Variants in PBRM1 observed in about 807,000 individuals in gnomAD.
PBRM1 encodes polybromo 1, also known as protein polybromo-1.
PBRM1 carries 27 observed loss-of-function variants against 194.5 expected under a neutral mutation model. The ratio of observed to expected loss-of-function variants is 0.14; its 90% CI spans 0.10 to 0.19. The LOEUF is 0.19. Among genes scored for constraint, PBRM1 ranks in the 10% least tolerant of loss-of-function variants. The pLI, the probability that PBRM1 is intolerant of heterozygous loss-of-function variation, is 1.00. For missense variants in PBRM1, 1,466 were observed against 2,077.2 expected (o/e 0.71, Z 5.72); for synonymous variants, 655 against 693.2 (o/e 0.94, Z 0.87).
downstream of PBRM1, chr3:52,546,064 T>C (rs542109728): frequency 6.9e-5 from 16 of 233,172 alleles, no homozygotes; most frequent in South Asian, 2.2e-3. Flanking sequence ...CTATAGCACC[T>C]CTAGGCACTG....
At chr3:52,648,815 A>C (rs1301860746) in intron 6 of PBRM1, among the ~76,000 whole-genome samples, 2 of 152,222 alleles carry the variant, frequency 1.3e-5, no homozygotes, top group Non-Finnish European at 2.9e-5. Flanking sequence ...GTGTGAAGCA[A>C]AACTCCCCCT....
chr3:52,662,159 C>T (rs1281777672), exon 4 of PBRM1: 1 of 1,614,116 alleles, frequency 6.2e-7, no homozygotes, highest in Admixed American at 1.7e-5. Context: ...CCCTGATTGT[C>T]TTGCCCATCT....
intron 15 of PBRM1, among the ~76,000 whole-genome samples, chr3:52,612,184 C>G (rs1490531912): frequency 7.0e-6 from 1 of 141,910 alleles, no homozygotes; most frequent in Non-Finnish European, 1.5e-5. Context: ...CACTTGAACC[C>G]AGGAGGCGGA....
intron 10 of PBRM1, among the ~76,000 whole-genome samples, chr3:52,637,933 C>T (rs989614035): frequency 9.2e-5 from 14 of 151,428 alleles, no homozygotes; most frequent in South Asian, 2.1e-4. Context: ...GCAACAACAG[C>T]GAAACTCCGT....
At chr3:52,610,969 G>A (rs192857580) in intron 15 of PBRM1, among the ~76,000 whole-genome samples, 2 of 152,132 alleles carry the variant, frequency 1.3e-5, no homozygotes, top group African/African-American at 2.4e-5. Flanking sequence ...ATACAGGAAC[G>A]AGCCTGAACC....
rs148995858 is a variant in PBRM1 at position 52,660,813 on chromosome 3, A to G, written c.528+1320T>C. Among the ~76,000 whole-genome samples, 397 of 152,082 alleles carry G rather than the reference A, an allele frequency of 2.6e-3. 3 individuals are homozygous for G. Among genetic ancestry groups the G allele is most frequent in the Middle Eastern group, 3.4e-3 (1 of 294 alleles). On this transcript the variant is annotated intron_variant, in intron 4 of 29. Coordinates refer to ENST00000296302, the Ensembl canonical transcript of PBRM1. ...CAGGGGTGAGCCACAGCACCTGACT[A>G]GGAACTGTATTTTGAGACTCTAAGA... is the stretch of plus-strand genomic sequence containing the variant.
chr3:52,634,435 C>CAAAAAAAAAA (rs370025797), intron 11 of PBRM1, among the ~76,000 whole-genome samples, 167 bp downstream of exon 12: 1 of 46,356 alleles, frequency 2.2e-5, no homozygotes. Flanking sequence ...GACTCCGTCT[C>CAAAAAAAAAA]AAAAAAAAAA....
intron 16 of PBRM1, among the ~76,000 whole-genome samples, chr3:52,606,965 C>A (rs1293056254): frequency 1.3e-5 from 2 of 152,102 alleles, no homozygotes; most frequent in African/African-American, 4.8e-5. Flanking sequence ...CTATTTTAGC[C>A]TGTGAAGTCC....
intron 13 of PBRM1, among the ~76,000 whole-genome samples, chr3:52,619,172 G>A (rs1183309961): frequency 6.6e-6 from 1 of 152,200 alleles, no homozygotes; most frequent in Non-Finnish European, 1.5e-5. Flanking sequence ...GGGATTACAG[G>A]CGTGAGCCAC....
intron 10 of PBRM1, among the ~76,000 whole-genome samples, chr3:52,641,043 C>T (rs2096060073): frequency 6.6e-6 from 1 of 152,146 alleles, no homozygotes; most frequent in African/African-American, 2.4e-5. Context: ...ATACTTAATT[C>T]TGTAGATCAA....
intron 7 of PBRM1, among the ~76,000 whole-genome samples, chr3:52,648,002 G>A (rs531107539): frequency 8.6e-5 from 13 of 151,696 alleles, no homozygotes; most frequent in Non-Finnish European, 1.3e-4. Flanking sequence ...TCTGCCTCCC[G>A]GATTCAACCG....
downstream of PBRM1, chr3:52,547,512 G>T (rs989730545): frequency 4.3e-6 from 1 of 233,516 alleles, no homozygotes; most frequent in East Asian, 6.1e-5. Context: ...CACTTCATCT[G>T]TAAGAAACAG....
intron 20 of PBRM1, among the ~76,000 whole-genome samples, chr3:52,583,587 C>T (rs763556133): frequency 2.0e-5 from 3 of 151,826 alleles, no homozygotes; most frequent in African/African-American, 4.8e-5. Flanking sequence ...TCTATTTGGG[C>T]CTCTGCTCAT....
chr3:52,598,261 T>C (rs1448251147), intron 17 of PBRM1, among the ~76,000 whole-genome samples: 2 of 152,230 alleles, frequency 1.3e-5, no homozygotes, highest in Non-Finnish European at 2.9e-5. Context: ...TAACTTAGTG[T>C]TGTGCAACCA....
rs990308926 is a variant in PBRM1 at position 52,576,247 on chromosome 3, A to T, written c.3691+294T>A. Among the ~76,000 whole-genome samples, 4 of 152,208 alleles carry T rather than the reference A, an allele frequency of 2.6e-5. 1 individual carries two copies. Among genetic ancestry groups the T allele is most frequent in the Admixed American group, 2.0e-4 (3 of 15,290 alleles). ...ACTATCAATGGAGAATTCTATATCT[A>T]GGAAAACTATCTTTCAAAAATTAGC... On this transcript the variant is annotated intron_variant, in intron 22 of 29. Coordinates refer to ENST00000296302, the Ensembl canonical transcript of PBRM1.
At chr3:52,661,048 T>G (rs2096713202) in intron 4 of PBRM1, among the ~76,000 whole-genome samples, 1 of 152,004 alleles carries the variant, frequency 6.6e-6, no homozygotes, top group Admixed American at 6.6e-5. Context: ...TTTTTTGAGA[T>G]GGAGTCTCAT....
In PBRM1 at chr3:52,643,226, G is replaced by T. The variant is rs754800423; in HGVS notation, c.995+22C>A. Reference sequence around the variant, plus strand: ...CTTTATAAGCACAGGTCAACTCTCAGACTAAACACTCTTTTTCTCACCGGT... The same window carrying T: ...CTTTATAAGCACAGGTCAACTCTCATACTAAACACTCTTTTTCTCACCGGT... On this transcript the variant is annotated intron_variant, in intron 9 of 29. Transcript: ENST00000296302. 2.6e-6 allele frequency: 4 copies of T among 1,528,550 alleles called. No individual in the cohort carries two copies. The African/African-American group carries it at 4.1e-5, about 16-fold the overall frequency. The allele number at this position is 1,528,550 out of a possible 1,614,324, so 94.7% of individuals were successfully genotyped here.
chr3:52,639,621 T>C (rs2153690478), intron 10 of PBRM1, among the ~76,000 whole-genome samples: 1 of 152,200 alleles, frequency 6.6e-6, no homozygotes, highest in Non-Finnish European at 1.5e-5. Flanking sequence ...TGGTCCCAGC[T>C]ACTAGGGAGG....
In PBRM1 at chr3:52,609,434, T is replaced by C; in HGVS notation, c.2446A>G (p.Asn816Asp). Residue 816 changes from asparagine (N) to aspartate (D), a missense_variant, in exon 16 of 30, where the codon AAC becomes GAC. Asn to Asp is a conservative substitution (Grantham distance 23). Transcript: ENST00000296302. The surrounding 1 kb of genome is among the most constrained non-coding windows in gnomAD (Gnocchi z 4.1). Reference sequence around the variant, plus strand: ...ATGTCAAATGTAAGGGGTGGTTTGTTAGGAAAGTTGGGATCCACAGCAGGA... The same window carrying C: ...ATGTCAAATGTAAGGGGTGGTTTGTCAGGAAAGTTGGGATCCACAGCAGGA... The C allele has an allele frequency of 6.2e-7, 1 of 1,614,092 alleles. No individual in the cohort carries two copies. Among genetic ancestry groups the C allele is most frequent in the South Asian group, 1.1e-5 (1 of 91,082 alleles).
Sources: allele counts gnomAD v4.1 joint callset (sites outside exome capture counted in the v4.1 genomes callset), GRCh38; gene constraint gnomAD v4.1.1; non-coding constraint Gnocchi (gnomAD v3.1); transcripts MANE v1.5; gene names NCBI Gene and HGNC (gene_info 2026-07-23, HGNC 2026-07-21).